Variants in CDH13 observed in about 807,000 individuals in gnomAD.
CDH13 encodes cadherin 13.
CDH13 carries 24 observed loss-of-function variants against 63.8 expected under a neutral mutation model. The observed-to-expected ratio is 0.38, with a 90% CI of 0.27 to 0.53. CDH13 has a LOEUF of 0.53. CDH13 is among the 20% of genes least tolerant of loss of function. The probability of loss-of-function intolerance (pLI) is 0.85; values close to 1 mark genes in which losing one functional copy is unlikely to be tolerated. For synonymous variants in CDH13, 503 were observed against 355.3 expected (o/e 1.42, Z -4.67); for missense variants, 1,049 against 903.1 (o/e 1.16, Z -2.07).
At chr16:83,189,403 G>A (rs78448021) in intron 4 of CDH13, among the ~76,000 whole-genome samples, 6 of 152,244 alleles carry the variant, frequency 3.9e-5, no homozygotes, top group Admixed American at 2.6e-4. Context: ...TCAACCTCTG[G>A]TTCTTTCTTT....
intron 8 of CDH13, among the ~76,000 whole-genome samples, chr16:83,607,652 G>T (rs1043212543): frequency 6.6e-6 from 1 of 152,138 alleles, no homozygotes; most frequent in South Asian, 2.1e-4. Context: ...GCTGATACAT[G>T]AAATCAATTT....
intron 4 of CDH13, among the ~76,000 whole-genome samples, chr16:83,136,378 C>T (rs1054036189): frequency 1.3e-5 from 2 of 148,412 alleles, no homozygotes; most frequent in African/African-American, 2.5e-5. Flanking sequence ...CCCAGCTACT[C>T]GGGAGGCTGA....
chr16:82,814,325 C>A (rs957251325), intron 1 of CDH13, among the ~76,000 whole-genome samples: 2 of 152,024 alleles, frequency 1.3e-5, no homozygotes, highest in South Asian at 2.1e-4. Context: ...CTCCTGGATA[C>A]CCCCAGGATG....
chr16:83,428,200 G>C (rs2071973453), intron 6 of CDH13, among the ~76,000 whole-genome samples: 1 of 152,122 alleles, frequency 6.6e-6, no homozygotes, highest in South Asian at 2.1e-4. Flanking sequence ...TTTTATTATT[G>C]AACTTCATGT....
At chr16:83,622,033 G>A (rs999978580) in intron 8 of CDH13, among the ~76,000 whole-genome samples, 1 of 152,112 alleles carries the variant, frequency 6.6e-6, no homozygotes, top group Non-Finnish European at 1.5e-5. Flanking sequence ...CATTTCTTAT[G>A]AGCAAAGAAT....
intron 4 of CDH13, among the ~76,000 whole-genome samples, chr16:83,197,861 A>G (rs949257755): frequency 9.9e-5 from 15 of 152,054 alleles, no homozygotes; most frequent in African/African-American, 3.6e-4. Context: ...GTAAAATGGC[A>G]AATCTGAATA....
intron 2 of CDH13, among the ~76,000 whole-genome samples, chr16:82,958,450 A>G (rs1288792638): frequency 6.6e-6 from 1 of 152,224 alleles, no homozygotes; most frequent in Non-Finnish European, 1.5e-5. Context: ...AGTGTCAGGG[A>G]GATGGCCCAG....
chr16:83,599,533 C>T (rs943190418), intron 7 of CDH13, among the ~76,000 whole-genome samples: 2 of 152,016 alleles, frequency 1.3e-5, no homozygotes, highest in East Asian at 1.9e-4. Flanking sequence ...AAAAAGCAGC[C>T]AAAATGTATA....
chr16:82,655,464 C>G (rs2150915354), intron 1 of CDH13, among the ~76,000 whole-genome samples: 1 of 152,138 alleles, frequency 6.6e-6, no homozygotes, highest in East Asian at 1.9e-4. Flanking sequence ...AGTGCAAAGT[C>G]CTAAAGCAGG....
intron 5 of CDH13, among the ~76,000 whole-genome samples, chr16:83,326,425 CTT>C (rs1241180598): frequency 7.7e-4 from 98 of 126,486 alleles, no homozygotes; most frequent in African/African-American, 1.1e-3. Context: ...ACACTTGGTG[CTT>C]TTTTTTTTTT....
intron 4 of CDH13, among the ~76,000 whole-genome samples, chr16:83,134,909 C>T (rs1299566466): frequency 2.0e-5 from 3 of 152,122 alleles, no homozygotes; most frequent in African/African-American, 7.2e-5. Context: ...TATTTTTAAC[C>T]CTGAGTTTAT....
intron 6 of CDH13, among the ~76,000 whole-genome samples, chr16:83,483,917 C>T (rs2073829402): frequency 6.6e-6 from 1 of 152,156 alleles, no homozygotes; most frequent in Non-Finnish European, 1.5e-5. Context: ...TCATGCTGTT[C>T]CTGCTGTCTT....
At chr16:83,523,574 A>G (rs1198130059) in intron 7 of CDH13, among the ~76,000 whole-genome samples, 1 of 152,174 alleles carries the variant, frequency 6.6e-6, no homozygotes, top group Non-Finnish European at 1.5e-5. Flanking sequence ...GTACTCACCA[A>G]GTGCTCCTCC....
At chr16:82,892,242 G>T (rs1357314856) in intron 2 of CDH13, among the ~76,000 whole-genome samples, 1 of 152,194 alleles carries the variant, frequency 6.6e-6, no homozygotes, top group African/African-American at 2.4e-5. Context: ...GCTTAGGATG[G>T]TGGTGGACGT....
At chr16:82,852,220 G>A (rs902407751) in intron 1 of CDH13, among the ~76,000 whole-genome samples, 5 of 152,178 alleles carry the variant, frequency 3.3e-5, no homozygotes, top group Admixed American at 3.3e-4. Context: ...TGGCCTCTGG[G>A]ATATATCTGT....
At chr16:83,163,503 A>G (rs1240111308) in intron 4 of CDH13, among the ~76,000 whole-genome samples, 1 of 152,116 alleles carries the variant, frequency 6.6e-6, no homozygotes, top group African/African-American at 2.4e-5. Context: ...TGTCTTTGCC[A>G]TCAGCATTAT....
At chr16:82,876,850 A>T (rs181222164) in intron 2 of CDH13, among the ~76,000 whole-genome samples, 1 of 152,308 alleles carries the variant, frequency 6.6e-6, no homozygotes, top group Admixed American at 6.5e-5. Flanking sequence ...GAGTTTGGAG[A>T]GGTAGCCCAA....
chr16:83,778,924 C>T (rs143701838), intron 11 of CDH13, among the ~76,000 whole-genome samples: 44 of 152,320 alleles, frequency 2.9e-4, no homozygotes, highest in African/African-American at 9.9e-4. Context: ...ACGGAGACTC[C>T]GTCCTCCCCC....
At chr16:82,857,361 C>G (rs913682676) in intron 1 of CDH13, among the ~76,000 whole-genome samples, 2 of 152,184 alleles carry the variant, frequency 1.3e-5, no homozygotes, top group East Asian at 1.9e-4. Flanking sequence ...TTAAGTGTTA[C>G]GGAGCCTCTT....
Sources: allele counts gnomAD v4.1 joint callset (sites outside exome capture counted in the v4.1 genomes callset), GRCh38; gene constraint gnomAD v4.1.1; transcripts MANE v1.5; gene names NCBI Gene and HGNC (gene_info 2026-07-23, HGNC 2026-07-21).